Variants in UPK3A observed in about 807,000 individuals in gnomAD.
UPK3A encodes the protein uroplakin 3A, also known as uroplakin-3a.
UPK3A carries 32 observed loss-of-function variants against 27.6 expected under a neutral mutation model. The observed-to-expected ratio is 1.16, with a 90% CI of 0.87 to 1.55. UPK3A has a LOEUF of 1.55. UPK3A is among the 40% of genes most tolerant of loss of function. The pLI is 0.00. For synonymous variants in UPK3A, 171 were observed against 163.9 expected, an observed-to-expected ratio of 1.04 and a Z score of -0.33; for missense variants, 370 against 367.9, an observed-to-expected ratio of 1.01 and a Z score of -0.05.
At position 45,284,973 on chromosome 22, in the gene UPK3A, C is replaced by T. The variant is rs1177468123; in HGVS notation, c.-41C>T. The T allele has an allele frequency of 6.6e-7, 1 of 1,525,738 alleles. No individual in the cohort carries two copies. The highest frequency in any genetic ancestry group is 1.4e-5 in the African/African-American group (1 of 72,120). The allele number at this position is 1,525,738 out of a possible 1,614,324, so 94.5% of individuals were successfully genotyped here. The stretch of plus-strand genomic sequence containing the variant: ...CAGGTCTGGTGCCCGCGCCTGCTCG[C>T]TGGACCGCCCGCCCCGCGCTCTGGC... On this transcript the variant is annotated 5_prime_UTR_variant, in exon 1 of 6. Transcript: ENST00000216211.
intron 3 of UPK3A, among the ~76,000 whole-genome samples, chr22:45,288,303 C>T (rs1427462403): frequency 1.3e-5 from 2 of 152,114 alleles, no homozygotes; most frequent in Non-Finnish European, 2.9e-5. Flanking sequence ...TCAAGCGATT[C>T]TCCTGCCTCA....
intron 4 of UPK3A, among the ~76,000 whole-genome samples, chr22:45,290,469 G>A (rs1166530854): frequency 6.6e-6 from 1 of 152,172 alleles, no homozygotes; most frequent in Non-Finnish European, 1.5e-5. Flanking sequence ...GTTGTGGTAT[G>A]TCTATGTGTG....
intron 3 of UPK3A, 67 bp from the exon 4 acceptor site, chr22:45,288,994 C>G: frequency 4.6e-6 from 7 of 1,534,262 alleles, no homozygotes; most frequent in Non-Finnish European, 5.4e-6. Flanking sequence ...CTACATCCCC[C>G]CACCGCCTCC....
intron 4 of UPK3A, among the ~76,000 whole-genome samples, chr22:45,290,107 C>T (rs903175273): frequency 5.3e-5 from 8 of 152,332 alleles, no homozygotes; most frequent in East Asian, 1.9e-4. Context: ...AGCACCTGGG[C>T]GGCTTTCCTG....
rs1257513848 is a variant in UPK3A, at chr22:45,293,239, C to T, written c.630C>T (p.Val210=). The change falls in exon 5 of 6, where the codon GTC becomes GTT. Residue 210 remains valine (V), a synonymous_variant. Transcript: ENST00000216211. ...WPGRRSGGMI[V]ITSILGSLPF... Reference sequence around the variant, plus strand: ...GCCGGCGGAGCGGAGGCATGATCGTCATCACTTCCATCCTGGGCTCCCTGC... The same window carrying T: ...GCCGGCGGAGCGGAGGCATGATCGTTATCACTTCCATCCTGGGCTCCCTGC... 6.2e-7 allele frequency: 1 copy of T among 1,614,172 alleles called. No homozygotes were observed. The highest frequency in any genetic ancestry group is 1.3e-5 in the African/African-American group (1 of 75,072).
At chr22:45,292,820 A>T (rs918882587) in intron 4 of UPK3A, among the ~76,000 whole-genome samples, 8 of 151,728 alleles carry the variant, frequency 5.3e-5, no homozygotes, top group African/African-American at 1.7e-4. Flanking sequence ...GGGTGGGAGG[A>T]TGGCTTGAGC....
intron 1 of UPK3A, among the ~76,000 whole-genome samples, chr22:45,285,639 G>C (rs1382454076): frequency 2.7e-5 from 2 of 72,754 alleles, no homozygotes; most frequent in East Asian, 7.1e-4. Context: ...GGAGGGCCCA[G>C]GTGAGGAAGG....
Position 45,285,306 on chromosome 22 carries a change from A to G in UPK3A, c.52+241A>G, listed in dbSNP as rs79765910. On this transcript the variant is annotated intron_variant, in intron 1 of 5. Transcript: ENST00000216211. ...ATGCAGGGGGGCTGCGGTAGGACAG[A>G]GAAGGGACTAGCCCCAGCCCCATGG... Among the ~76,000 whole-genome samples, 119 of 152,332 alleles carry G rather than the reference A, an allele frequency of 7.8e-4. 1 individual carries two copies. In the East Asian group the frequency reaches 9.5e-3, roughly 12 times the overall value.
rs768732620 is a variant in UPK3A at position 45,293,224 on chromosome 22, C to T, written c.615C>T (p.Ser205=). ...TCGACACGTGGCCAGGCCGGCGGAG[C>T]GGAGGCATGATCGTCATCACTTCCA... The part of the protein sequence containing the change: ...STIDTWPGRR[S]GGMIVITSIL... Residue 205 remains serine (S), a synonymous_variant, in exon 5 of 6, where the codon AGC becomes AGT. Transcript: ENST00000216211. 18 of 1,613,952 alleles carry T rather than the reference C, an allele frequency of 1.1e-5. No individual in the cohort carries two copies. The highest frequency in any genetic ancestry group is 1.4e-5 in the Non-Finnish European group (17 of 1,180,036).
At chr22:45,295,462 G>A in intron 5 of UPK3A, 98 bp from the exon 6 acceptor site, 2 of 1,313,970 alleles carry the variant, frequency 1.5e-6, no homozygotes, top group South Asian at 1.2e-5. Context: ...GACGATATCT[G>A]TGAAAGCTAT....
chr22:45,295,263 T>C (rs1275980932), intron 5 of UPK3A, among the ~76,000 whole-genome samples: 1 of 152,084 alleles, frequency 6.6e-6, no homozygotes, highest in African/African-American at 2.4e-5. Flanking sequence ...TGGTCATTGT[T>C]GCAGTCAGTC....
At chr22:45,295,251 C>T (rs1396001898) in intron 5 of UPK3A, among the ~76,000 whole-genome samples, 2 of 152,056 alleles carry the variant, frequency 1.3e-5, no homozygotes, top group South Asian at 2.1e-4. Flanking sequence ...GTCCATGCTG[C>T]GTGGTCATTG....
intron 5 of UPK3A, among the ~76,000 whole-genome samples, chr22:45,294,646 C>T (rs569990041): frequency 6.6e-6 from 1 of 152,150 alleles, no homozygotes; most frequent in Non-Finnish European, 1.5e-5. Flanking sequence ...CAGAACACAG[C>T]AATGTCCCTC....
At chr22:45,287,803 C>T (rs2084129772) in intron 3 of UPK3A, among the ~76,000 whole-genome samples, 1 of 152,100 alleles carries the variant, frequency 6.6e-6, no homozygotes, top group South Asian at 2.1e-4. Flanking sequence ...GCTGAGATTA[C>T]AGGTGCACAC....
intron 4 of UPK3A, 37 bp from the exon 5 acceptor site, chr22:45,293,144 G>T: frequency 6.2e-7 from 1 of 1,611,210 alleles, no homozygotes. Context: ...AGGGTGGTGC[G>T]GTGTCTGGGA....
intron 4 of UPK3A, among the ~76,000 whole-genome samples, chr22:45,291,472 TG>T (rs540593043): frequency 2.8e-5 from 4 of 143,890 alleles, no homozygotes; most frequent in African/African-American, 1.0e-4. Flanking sequence ...TGTGTGAGTT[TG>T]AGTTGTGTGA....
intron 5 of UPK3A, among the ~76,000 whole-genome samples, chr22:45,293,751 G>A (rs529839191): frequency 5.6e-4 from 86 of 152,306 alleles, no homozygotes; most frequent in African/African-American, 2.0e-3. Context: ...AACTCAACAA[G>A]CATTTGCTTT....
intron 4 of UPK3A, 114 bp downstream of exon 4, chr22:45,289,257 C>T: frequency 1.9e-6 from 2 of 1,040,620 alleles, no homozygotes; most frequent in Non-Finnish European, 2.9e-6. Context: ...CCAGGCCAGG[C>T]AGTGATGAGT....
chr22:45,288,340 C>T (rs557162023), intron 3 of UPK3A, among the ~76,000 whole-genome samples: 6 of 152,078 alleles, frequency 3.9e-5, no homozygotes, highest in South Asian at 2.1e-4. Context: ...GGACTACAGG[C>T]GCCCCCACCA....
Sources: gnomAD v4.1 joint callset for allele counts (sites outside exome capture counted in the v4.1 genomes callset) on GRCh38, gnomAD v4.1.1 for gene constraint, MANE v1.5 for transcripts, NCBI Gene and HGNC (gene_info 2026-07-23, HGNC 2026-07-21) for gene names.